The following PRH1 variants were observed in gnomAD, a reference collection of about 807,000 sequenced individuals.
PRH1 encodes the protein salivary acidic proline-rich phosphoprotein 1/2.
PRH1 carries 7 observed loss-of-function variants against 7.9 expected under a neutral mutation model. That is an observed-to-expected ratio of 0.89 (90% CI 0.50 to 1.67). The LOEUF is 1.67. PRH1 is among the 40% of genes most tolerant of loss of function. PRH1 has a pLI of 0.00. For missense variants in PRH1, 109 were observed against 223.6 expected (o/e 0.49, Z 3.27); for synonymous variants, 45 against 80.8 (o/e 0.56, Z 2.38).
chr12:10,938,465 A>C, intron 2 of PRH1: 1 of 1,614,070 alleles, frequency 6.2e-7, no homozygotes, highest in South Asian at 1.1e-5. Context: ...AACTGATATG[A>C]AAAAAGACAG....
chr12:11,065,957 T>A (rs1173834100), intron 1 of PRH1, among the ~76,000 whole-genome samples: 1 of 152,190 alleles, frequency 6.6e-6, no homozygotes, highest in Non-Finnish European at 1.5e-5. Flanking sequence ...TCTCAAAATG[T>A]CATTACAATT....
At chr12:10,980,358 C>T (rs1318397556) in intron 1 of PRH1, among the ~76,000 whole-genome samples, 1 of 152,066 alleles carries the variant, frequency 6.6e-6, no homozygotes, top group East Asian at 1.9e-4. Context: ...CCCTGCCTAT[C>T]AATCTATCAA....
rs762346206 is a variant in PRH1 at position 11,133,726 on chromosome 12, G to A, written n.40-12546C>T. On this transcript the variant is annotated intron_variant and non_coding_transcript_variant, in intron 1 of 1. Coordinates refer to the PRH1 transcript ENST00000541175. ...GCATGGTTAGAGTCATATTTGAATG[G>A]TACATTGCACTCCTCAATTTGATCT... 4 of 1,613,984 alleles carry A rather than the reference G, an allele frequency of 2.5e-6. No homozygotes were observed. The South Asian group carries it at 3.3e-5, about 13-fold the overall frequency.
intron 1 of PRH1, among the ~76,000 whole-genome samples, chr12:11,143,772 G>A (rs660739): frequency 6.7e-6 from 1 of 150,150 alleles, no homozygotes; most frequent in African/African-American, 2.4e-5. Context: ...CTCATCGAAA[G>A]GATATAACAA....
intron 1 of PRH1, among the ~76,000 whole-genome samples, chr12:11,044,502 AC>A (rs1470454193): frequency 6.6e-6 from 1 of 152,142 alleles, no homozygotes; most frequent in Non-Finnish European, 1.5e-5. Context: ...AAGTAAAGAG[AC>A]AACCCACAGA....
intron 1 of PRH1, among the ~76,000 whole-genome samples, chr12:11,057,998 C>T (rs1195077395): frequency 2.7e-5 from 4 of 149,222 alleles, no homozygotes; most frequent in Non-Finnish European, 6.0e-5. Context: ...ATTGTAATTC[C>T]AGCACTTTAG....
upstream of PRH1, among the ~76,000 whole-genome samples, chr12:11,049,668 C>G (rs957783843): frequency 3.3e-5 from 5 of 152,076 alleles, no homozygotes; most frequent in African/African-American, 1.2e-4. Flanking sequence ...TCAGTTGTTA[C>G]ATAGGGAAAT....
intron 2 of PRH1, among the ~76,000 whole-genome samples, chr12:10,955,693 G>GA (rs1046565251): frequency 4.6e-5 from 7 of 150,864 alleles, no homozygotes; most frequent in Non-Finnish European, 8.9e-5. Flanking sequence ...GACTAATAAA[G>GA]AAAAAAAAGA....
rs536401326 is a variant in PRH1, at chr12:10,997,089, G to C, written c.-125-23368C>G. On this transcript the variant is annotated intron_variant, in intron 1 of 3. Transcript: ENST00000539853. Reference sequence around the variant, plus strand: ...TATATGATTCCAAAAGCTTGGCAAAGCATTAAGACAATTTCTTTTGGTCGC... The same window carrying C: ...TATATGATTCCAAAAGCTTGGCAAACCATTAAGACAATTTCTTTTGGTCGC... 346 of 1,614,032 alleles carry C rather than the reference G, an allele frequency of 2.1e-4. 2 individuals carry two copies. The South Asian group carries it at 3.7e-3, about 17-fold the overall frequency.
chr12:10,986,029 T>C (rs748374681), intron 1 of PRH1: 4 of 1,614,018 alleles, frequency 2.5e-6, no homozygotes, highest in Admixed American at 1.7e-5. Context: ...CAAATTAGGA[T>C]GAATGAGTCG....
downstream of PRH1, among the ~76,000 whole-genome samples, chr12:11,115,979 C>G (rs1419515452): frequency 6.6e-6 from 1 of 151,758 alleles, no homozygotes; most frequent in African/African-American, 2.4e-5. Flanking sequence ...AAATGTGTAT[C>G]TTAAATAACT....
At chr12:11,098,979 C>A (rs1246299438) in intron 1 of PRH1, among the ~76,000 whole-genome samples, 1 of 152,104 alleles carries the variant, frequency 6.6e-6, no homozygotes, top group Admixed American at 6.6e-5. Flanking sequence ...ATTTATTTAT[C>A]AAACATATCT....
At chr12:11,025,819 C>G (rs1238646280) in intron 1 of PRH1, among the ~76,000 whole-genome samples, 1 of 152,246 alleles carries the variant, frequency 6.6e-6, no homozygotes, top group African/African-American at 2.4e-5. Context: ...ATTGGATTCT[C>G]AATATTGATA....
At chr12:10,928,160 A>T (rs1950149638) in intron 2 of PRH1, among the ~76,000 whole-genome samples, 1 of 152,226 alleles carries the variant, frequency 6.6e-6, no homozygotes, top group East Asian at 1.9e-4. Context: ...AAATGAATGT[A>T]AGAAAGAGAA....
chr12:11,080,995 G>T (rs796698483), intron 1 of PRH1, among the ~76,000 whole-genome samples: 10,273 of 63,264 alleles, frequency 0.16, 950 homozygotes, highest in Middle Eastern at 0.27. Context: ...TTTGATTTAA[G>T]TCATCATGCC....
At position 10,884,050 on chromosome 12, in the gene PRH1, C is replaced by T. The variant is rs1184626379; in HGVS notation, c.64+104G>A. The T allele has an allele frequency of 4.4e-5, 61 of 1,372,696 alleles. No individual in the cohort carries two copies. In the East Asian group the frequency reaches 1.0e-3, roughly 23 times the overall value. The allele number at this position is 1,372,696 out of a possible 1,614,324, so 85.0% of individuals were successfully genotyped here. On this transcript the variant is annotated intron_variant, in intron 1 of 3. Coordinates refer to ENST00000543626, the MANE Select transcript of PRH1 (RefSeq NM_001393989.1). The stretch of plus-strand genomic sequence containing the variant: ...CCTCAGCATGAGAACTCTGCAGTCC[C>T]ATCTGTTTTCTCATCCTCCTCTCTT...
intron 1 of PRH1, among the ~76,000 whole-genome samples, chr12:11,110,811 C>A (rs1024195366): frequency 6.6e-6 from 1 of 152,082 alleles, no homozygotes; most frequent in Non-Finnish European, 1.5e-5. Context: ...ACAATATTAA[C>A]CTTAAATGTA....
intron 1 of PRH1, among the ~76,000 whole-genome samples, chr12:11,015,424 T>C (rs1230043005): frequency 3.9e-5 from 6 of 152,184 alleles, no homozygotes; most frequent in Admixed American, 6.5e-5. Context: ...TAAACTTCCA[T>C]TGCTGCTCAG....
At chr12:10,960,472 G>A (rs553605184) in intron 2 of PRH1, among the ~76,000 whole-genome samples, 39 of 152,280 alleles carry the variant, frequency 2.6e-4, no homozygotes, top group African/African-American at 9.4e-4. Flanking sequence ...AGCAGAACGT[G>A]GTTTCTGGTA....
Sources: allele counts gnomAD v4.1 joint callset (sites outside exome capture counted in the v4.1 genomes callset), GRCh38; gene constraint gnomAD v4.1.1; transcripts MANE v1.5; gene names NCBI Gene and HGNC (gene_info 2026-07-23, HGNC 2026-07-21).